Variants in PRDM16 observed in about 807,000 individuals in gnomAD.
The protein encoded by PRDM16 is PR/SET domain 16.
A neutral mutation model predicts 110.6 loss-of-function variants in PRDM16; 23 were observed. The ratio of observed to expected loss-of-function variants is 0.21; its 90% CI spans 0.15 to 0.29. PRDM16 has a LOEUF of 0.29. PRDM16 is among the 10% of genes least tolerant of loss of function. The pLI is 1.00. For missense variants in PRDM16, 1,615 were observed against 1,794.3 expected (o/e 0.90, Z 1.81); for synonymous variants, 799 against 781.8 (o/e 1.02, Z -0.37).
At chr1:3,235,589 C>T (rs1363761208) in intron 2 of PRDM16, among the ~76,000 whole-genome samples, 2 of 152,174 alleles carry the variant, frequency 1.3e-5, no homozygotes, top group African/African-American at 2.4e-5. Flanking sequence ...GGCTGATAGC[C>T]TCCTGCCAGT....
chr1:3,292,610 C>T (rs10909919), intron 3 of PRDM16, among the ~76,000 whole-genome samples: 82 of 152,134 alleles, frequency 5.4e-4, no homozygotes, highest in African/African-American at 1.9e-3. Context: ...CTTGTCCAGA[C>T]GGAAGGGGAA....
At chr1:3,185,520 A>T (rs1458091803) in intron 1 of PRDM16, among the ~76,000 whole-genome samples, 1 of 152,134 alleles carries the variant, frequency 6.6e-6, no homozygotes, top group Admixed American at 6.5e-5. Flanking sequence ...AAGTGCAGGG[A>T]TGTCCAGCCT....
At chr1:3,095,796 G>GC (rs924686354) in intron 1 of PRDM16, among the ~76,000 whole-genome samples, 2 of 152,028 alleles carry the variant, frequency 1.3e-5, no homozygotes, top group African/African-American at 4.8e-5. Context: ...GGGTCCATCT[G>GC]CCCCTTGGAA....
intron 1 of PRDM16, among the ~76,000 whole-genome samples, chr1:3,153,600 T>G (rs1439748439): frequency 6.6e-6 from 1 of 152,188 alleles, no homozygotes; most frequent in African/African-American, 2.4e-5. Flanking sequence ...CTGGCAACAG[T>G]TTCTCTCGCT....
intron 1 of PRDM16, among the ~76,000 whole-genome samples, chr1:3,138,437 C>T (rs758906647): frequency 5.9e-5 from 9 of 152,210 alleles, no homozygotes; most frequent in East Asian, 1.9e-4. Flanking sequence ...GCTGTGCCCC[C>T]GGAGCCGGCG....
chr1:3,259,246 C>T (rs949662716), intron 3 of PRDM16, among the ~76,000 whole-genome samples: 3 of 152,204 alleles, frequency 2.0e-5, no homozygotes, highest in Non-Finnish European at 4.4e-5. Flanking sequence ...TCCAGGCAGG[C>T]GCCGGAAGCA....
intron 3 of PRDM16, among the ~76,000 whole-genome samples, chr1:3,335,495 G>A (rs1642125244): frequency 6.6e-6 from 1 of 152,114 alleles, no homozygotes; most frequent in African/African-American, 2.4e-5. Context: ...TCTAAAGGGA[G>A]CAGAGTTTAT....
rs186477236 is a variant in PRDM16 at position 3,288,684 on chromosome 1, G to C, written c.438+44547G>C. 4.9e-4 allele frequency among the ~76,000 whole-genome samples: 74 copies of C among 152,280 alleles called. No individual in the cohort carries two copies. The East Asian group carries it at 7.7e-3, about 16-fold the overall frequency. On this transcript the variant is annotated intron_variant, in intron 3 of 16. Transcript: ENST00000270722. ...GGCTCTAAAGATGCAAACCTCCAAGGTGTAGATAAGAGAGACCCAAGTCCT... is the reference window on the plus strand; with the variant it reads ...GGCTCTAAAGATGCAAACCTCCAAGCTGTAGATAAGAGAGACCCAAGTCCT...
intron 3 of PRDM16, among the ~76,000 whole-genome samples, chr1:3,262,985 G>A (rs946667263): frequency 2.6e-5 from 4 of 152,188 alleles, no homozygotes; most frequent in African/African-American, 4.8e-5. Flanking sequence ...CAGGGCCATA[G>A]AGAGGGTCTG....
intron 1 of PRDM16, among the ~76,000 whole-genome samples, chr1:3,085,946 A>C (rs575598101): frequency 6.6e-6 from 1 of 152,312 alleles, no homozygotes; most frequent in Non-Finnish European, 1.5e-5. Flanking sequence ...ACGTGGGTTC[A>C]CGTTGACAGA....
intron 1 of PRDM16, among the ~76,000 whole-genome samples, chr1:3,178,544 G>A (rs1644116523): frequency 6.6e-6 from 1 of 152,210 alleles, no homozygotes; most frequent in Admixed American, 6.5e-5. Flanking sequence ...GCAAACGTGT[G>A]TACTTAACTT....
chr1:3,176,497 TCCAC>T (rs202005069), intron 1 of PRDM16, among the ~76,000 whole-genome samples: 7 of 151,916 alleles, frequency 4.6e-5, no homozygotes, highest in Admixed American at 2.6e-4. Context: ...CATCCATCCA[TCCAC>T]CCACCCATTG....
chr1:3,335,873 AC>A (rs1485206932), intron 3 of PRDM16, among the ~76,000 whole-genome samples: 3 of 152,176 alleles, frequency 2.0e-5, no homozygotes, highest in African/African-American at 7.2e-5. Context: ...ATGCTCCTGC[AC>A]TGAAGTGTGG....
At chr1:3,264,511 A>C (rs1640241129) in intron 3 of PRDM16, among the ~76,000 whole-genome samples, 1 of 138,532 alleles carries the variant, frequency 7.2e-6, no homozygotes, top group Non-Finnish European at 1.5e-5. Context: ...AGAGGCGCAG[A>C]GGGGCATCTG....
chr1:3,269,729 G>A (rs115705443), intron 3 of PRDM16, among the ~76,000 whole-genome samples: 2,626 of 148,636 alleles, frequency 0.018, 157 homozygotes, highest in African/African-American at 0.059. Flanking sequence ...GAGGAGGACA[G>A]TTGGGAGGAC....
chr1:3,095,410 T>C (rs1469210607), intron 1 of PRDM16, among the ~76,000 whole-genome samples: 2 of 152,046 alleles, frequency 1.3e-5, no homozygotes, highest in Non-Finnish European at 2.9e-5. Flanking sequence ...ATGGGTCAGA[T>C]GGACAGTGGT....
At chr1:3,337,177 A>G (rs1642177962) in intron 3 of PRDM16, among the ~76,000 whole-genome samples, 1 of 151,024 alleles carries the variant, frequency 6.6e-6, no homozygotes, top group Non-Finnish European at 1.5e-5. Flanking sequence ...CTGTGAGTGC[A>G]TGCATCCACA....
intron 3 of PRDM16, among the ~76,000 whole-genome samples, chr1:3,302,302 G>A (rs1462760274): frequency 6.6e-6 from 1 of 151,974 alleles, no homozygotes; most frequent in Non-Finnish European, 1.5e-5. Context: ...CAAATGTTTT[G>A]GTCTACCATA....
At chr1:3,411,259 G>C in intron 8 of PRDM16, 125 bp from the exon 9 acceptor site, 2 of 952,874 alleles carry the variant, frequency 2.1e-6, no homozygotes, top group Non-Finnish European at 3.2e-6. Flanking sequence ...CACCCAGACA[G>C]ACTGCTTCCA....
Sources: allele counts gnomAD v4.1 joint callset (sites outside exome capture counted in the v4.1 genomes callset), GRCh38; gene constraint gnomAD v4.1.1; transcripts MANE v1.5; gene names NCBI Gene and HGNC (gene_info 2026-07-23, HGNC 2026-07-21).